Variants in AP5M1 observed in about 807,000 individuals in gnomAD.
The protein encoded by AP5M1 is AP-5 complex subunit mu-1.
Under a neutral mutation model 52.3 loss-of-function variants are expected in AP5M1, and 44 were observed. The ratio of observed to expected loss-of-function variants is 0.84; its 90% confidence interval spans 0.66 to 1.08. AP5M1 has a LOEUF of 1.08. Ranked by LOEUF, AP5M1 falls within the 50% of genes least tolerant of loss-of-function variation. AP5M1 has a pLI of 0.00. For synonymous variants in AP5M1, 213 were observed against 199.0 expected (o/e 1.07, Z -0.59); for missense variants, 526 against 568.4 (o/e 0.93, Z 0.76).
intron 1 of AP5M1, chr14:57,273,729 G>C (rs1884948197): frequency 1.4e-6 from 1 of 701,992 alleles, no homozygotes; most frequent in African/African-American, 1.7e-5. Flanking sequence ...GAAGACTCAG[G>C]GTACCTGTCA....
intron 6 of AP5M1, among the ~76,000 whole-genome samples, chr14:57,285,540 A>T (rs1424833155): frequency 6.7e-6 from 1 of 148,610 alleles, no homozygotes; most frequent in African/African-American, 2.5e-5. Flanking sequence ...TTGCAAAAGG[A>T]AAAAAAAAAA....
In AP5M1 at chr14:57,282,282, C is replaced by G; in HGVS notation, c.1088+54C>G. 2.2e-6 allele frequency: 3 copies of G among 1,334,526 alleles called. No homozygotes were observed. The East Asian group carries it at 8.1e-5, about 36-fold the overall frequency. 82.7% of individuals were successfully genotyped at this position (1,334,526 alleles called of 1,614,324 possible). ...TTCTGTCTTCCTTAATACATTTCCA[C>G]TGTCCCACAGTAAATTGTCTTTGTC... On this transcript the variant is annotated intron_variant, in intron 4 of 7. Coordinates refer to ENST00000261558, the MANE Select transcript of AP5M1 (RefSeq NM_018229.4).
Position 57,272,811 on chromosome 14 carries a change from C to A in AP5M1, c.75-1433C>A, listed in dbSNP as rs535863017. ...TACTGGTGTGCTACCTGATTCTTCCCCTTTCTTAATCAAGAAAATGCATCA... is the reference window on the plus strand; with the variant it reads ...TACTGGTGTGCTACCTGATTCTTCCACTTTCTTAATCAAGAAAATGCATCA... On this transcript the variant is annotated intron_variant, in intron 1 of 7. Transcript: ENST00000261558. 3.3e-5 allele frequency among the ~76,000 whole-genome samples: 5 copies of A among 152,290 alleles called. No individual in the cohort carries two copies. The South Asian group carries it at 1.0e-3, about 32-fold the overall frequency.
chr14:57,290,074 A>G lies in AP5M1; in HGVS notation c.*1190A>G, dbSNP rs551559344. 3.1e-4 allele frequency: 47 copies of G among 152,032 alleles called. No homozygotes were observed. Among genetic ancestry groups the G allele is most frequent in the African/African-American group, 1.1e-3 (44 of 41,544 alleles). 9.4% of individuals were successfully genotyped at this position (152,032 alleles called of 1,614,324 possible). A position where few individuals can be genotyped will look rare whatever the true frequency, so the allele number is the denominator to read the frequency against. ...GCATTAAAGATTAATACTCAATTTGATTATATCTTGGGTTCTGTTTTTTAA... is the reference window on the plus strand; with the variant it reads ...GCATTAAAGATTAATACTCAATTTGGTTATATCTTGGGTTCTGTTTTTTAA... On this transcript the variant is annotated 3_prime_UTR_variant, in exon 8 of 8. Transcript: ENST00000261558.
intron 2 of AP5M1, chr14:57,278,407 G>C (rs552700245): frequency 1.3e-5 from 2 of 152,224 alleles, no homozygotes; most frequent in Non-Finnish European, 2.9e-5. Flanking sequence ...GTCCGCAGAA[G>C]TGCAGCATCT....
In AP5M1 at chr14:57,297,097, G is replaced by GT. The variant is rs1483219853; in HGVS notation, c.*8214dup. ...ATAGCAGAAGGAAATAAAGATTATA[G>GT]TAAGTATATTCATGAGAGAGAATTT... On this transcript the variant is annotated 3_prime_UTR_variant, in exon 8 of 8. Coordinates refer to ENST00000261558, the MANE Select transcript of AP5M1 (RefSeq NM_018229.4). 6.6e-6 allele frequency: 1 copy of GT among 152,008 alleles called. No homozygotes were observed. Among genetic ancestry groups the GT allele is most frequent in the Non-Finnish European group, 1.5e-5 (1 of 67,992 alleles). The allele number at this position is 152,008 out of a possible 1,614,324, so 9.4% of individuals were successfully genotyped here.
chr14:57,269,618 C>G (rs1884827658), intron 1 of AP5M1, among the ~76,000 whole-genome samples: 1 of 152,008 alleles, frequency 6.6e-6, no homozygotes, highest in Admixed American at 6.6e-5. Context: ...TATATGTTTT[C>G]TATTAGTATT....
chr14:57,280,760 A>G (rs1020728175), intron 3 of AP5M1, among the ~76,000 whole-genome samples: 2 of 151,954 alleles, frequency 1.3e-5, no homozygotes, highest in Non-Finnish European at 2.9e-5. Flanking sequence ...CCGAGGCAGG[A>G]GAATCGCTTG....
chr14:57,284,906 A>C lies in AP5M1; in HGVS notation c.1294-1317A>C, dbSNP rs116649763. 4.9e-3 allele frequency among the ~76,000 whole-genome samples: 742 copies of C among 152,264 alleles called. 10 individuals are homozygous for C. The highest frequency in any genetic ancestry group is 0.017 in the African/African-American group (700 of 41,552). ...GGCAATAGCAATATAGCCCATTGTA[A>C]ATGTTCAGTGGGTAGCTAAAAATCT... On this transcript the variant is annotated intron_variant, in intron 6 of 7. Transcript: ENST00000261558.
Position 57,289,500 on chromosome 14 carries a change from A to G in AP5M1, c.*616A>G, listed in dbSNP as rs909623903. The stretch of plus-strand genomic sequence containing the variant: ...TCAGAACTATCCTATTGACTAATAA[A>G]TAATCTGCATAATTCTACTTAAGGT... On this transcript the variant is annotated 3_prime_UTR_variant, in exon 8 of 8. Transcript: ENST00000261558. 1.3e-5 allele frequency: 2 copies of G among 151,998 alleles called. No homozygotes were observed. Among genetic ancestry groups the G allele is most frequent in the African/African-American group, 2.4e-5 (1 of 41,420 alleles). 9.4% of individuals were successfully genotyped at this position (151,998 alleles called of 1,614,324 possible). A position where few individuals can be genotyped will look rare whatever the true frequency, so the allele number is the denominator to read the frequency against.
intron 7 of AP5M1, chr14:57,286,522 A>G (rs1343655569): frequency 2.2e-6 from 1 of 461,748 alleles, no homozygotes; most frequent in African/African-American, 2.0e-5. Context: ...AGTGGTCTGG[A>G]TAAGCAAAGA....
intron 2 of AP5M1, among the ~76,000 whole-genome samples, chr14:57,279,691 A>C (rs935550583): frequency 2.0e-5 from 3 of 152,230 alleles, no homozygotes; most frequent in African/African-American, 7.2e-5. Flanking sequence ...TTAAAAGTTG[A>C]AGGAAAATAA....
intron 2 of AP5M1, among the ~76,000 whole-genome samples, chr14:57,277,397 G>C (rs896344448): frequency 6.6e-6 from 1 of 152,042 alleles, no homozygotes; most frequent in Non-Finnish European, 1.5e-5. Context: ...ATTTACTATT[G>C]ATGTTTGCTT....
intron 7 of AP5M1, 86 bp from the exon 8 acceptor site, chr14:57,288,716 T>C: frequency 1.3e-6 from 1 of 783,870 alleles, no homozygotes; most frequent in Admixed American, 2.2e-5. Context: ...AATAACTGCA[T>C]TCCACAATTT....
rs1162284798 is a variant in AP5M1, at chr14:57,296,575, G to A, written c.*7691G>A. The A allele has an allele frequency of 6.6e-6, 1 of 152,096 alleles. No individual in the cohort carries two copies. The highest frequency in any genetic ancestry group is 1.5e-5 in the Non-Finnish European group (1 of 67,984). 9.4% of individuals were successfully genotyped at this position (152,096 alleles called of 1,614,324 possible). Reference sequence around the variant, plus strand: ...AGGCAATAATCAGTAGAAGTGGTTAGTAATATTTGTAGCTTGTTAACCAAC... The same window carrying A: ...AGGCAATAATCAGTAGAAGTGGTTAATAATATTTGTAGCTTGTTAACCAAC... On this transcript the variant is annotated 3_prime_UTR_variant, in exon 8 of 8. Transcript: ENST00000261558.
rs767363036 is a variant in AP5M1, at chr14:57,282,220, T to C, written c.1080T>C (p.Phe360=). 1 of 1,533,076 alleles carries C rather than the reference T, an allele frequency of 6.5e-7. No homozygotes were observed. The highest frequency in any genetic ancestry group is 8.7e-7 in the Non-Finnish European group (1 of 1,147,718). The allele number at this position is 1,533,076 out of a possible 1,614,324, so 95.0% of individuals were successfully genotyped here. ...NFEFCEAHIP[F]YNRGPITHLE... is the part of the protein sequence containing the mutation. ...AATTCTGTGAAGCCCATATACCTTT[T>C]TACAATAGGTAGGAATAAAATGCAT... Residue 360 remains phenylalanine, a synonymous_variant, in exon 4 of 8, where the codon TTT becomes TTC. Coordinates refer to ENST00000261558, the MANE Select transcript of AP5M1 (RefSeq NM_018229.4).
rs141421883 is a variant in AP5M1, at chr14:57,289,173, C to G, written c.*289C>G. The stretch of plus-strand genomic sequence containing the variant: ...AGACTGGTCCTGGGTCACCCTGCCA[C>G]ACTTGTTTCCTAGTGTTTCTGTGGC... On this transcript the variant is annotated 3_prime_UTR_variant, in exon 8 of 8. Coordinates refer to ENST00000261558, the MANE Select transcript of AP5M1 (RefSeq NM_018229.4). 1.7e-3 allele frequency: 330 copies of G among 197,634 alleles called. 2 individuals are homozygous for G. The highest frequency in any genetic ancestry group is 7.3e-3 in the African/African-American group (308 of 42,422). The allele number at this position is 197,634 out of a possible 1,614,324, so 12.2% of individuals were successfully genotyped here.
rs758904733 is a variant in AP5M1 at position 57,274,492 on chromosome 14, G to A, written c.323G>A (p.Cys108Tyr). The A allele has an allele frequency of 3.3e-5, 54 of 1,614,052 alleles. No homozygotes were observed. Among genetic ancestry groups the A allele is most frequent in the Admixed American group, 3.0e-4 (18 of 60,004 alleles). ...AFLKNDMIYA[C>Y]VPLVEQTLSP... ...CTGAAGAATGACATGATATATGCTT[G>A]TGTTCCACTAGTTGAACAAACTCTG... is the stretch of plus-strand genomic sequence containing the variant. The change falls in exon 2 of 8, where the codon TGT (cysteine) becomes TAT (tyrosine). Residue 108 changes from cysteine (C) to tyrosine (Y), a missense_variant. Transcript: ENST00000261558.
Position 57,292,980 on chromosome 14 carries a change from T to G in AP5M1, c.*4096T>G, listed in dbSNP as rs1885472161. 1 of 151,636 alleles carries G rather than the reference T, an allele frequency of 6.6e-6. No homozygotes were observed. The highest frequency in any genetic ancestry group is 2.1e-4 in the South Asian group (1 of 4,828). The allele number at this position is 151,636 out of a possible 1,614,324, so 9.4% of individuals were successfully genotyped here. A position where few individuals can be genotyped will look rare whatever the true frequency, so the allele number is the denominator to read the frequency against. On this transcript the variant is annotated 3_prime_UTR_variant, in exon 8 of 8. Coordinates refer to ENST00000261558, the MANE Select transcript of AP5M1 (RefSeq NM_018229.4). ...AGAATGCTTTTTTAAAAAAAAAAAG[T>G]GACAGCATTACCAAAATAGCCGAGT...
Sources: allele counts gnomAD v4.1 joint callset (sites outside exome capture counted in the v4.1 genomes callset), GRCh38; gene constraint gnomAD v4.1.1; transcripts MANE v1.5; gene names NCBI Gene and HGNC (gene_info 2026-07-23, HGNC 2026-07-21).